Variants in SMG6 observed in about 807,000 individuals in gnomAD.
The protein encoded by SMG6 is telomerase-binding protein EST1A.
SMG6 carries 66 observed loss-of-function variants against 142.2 expected under a neutral mutation model. The observed-to-expected ratio is 0.46, with a 90% CI of 0.38 to 0.57. SMG6 has a LOEUF of 0.57. SMG6 is among the 20% of genes least tolerant of loss of function. The pLI is 0.00. For missense variants in SMG6, 1,793 were observed against 1,832.0 expected, an observed-to-expected ratio of 0.98 and a Z score of 0.39; for synonymous variants, 779 against 702.4, an observed-to-expected ratio of 1.11 and a Z score of -1.72.
At chr17:2,103,912 G>A (rs1224487275) in intron 13 of SMG6, among the ~76,000 whole-genome samples, 9 of 151,912 alleles carry the variant, frequency 5.9e-5, no homozygotes, top group African/African-American at 1.7e-4. Context: ...ATGGCACAGA[G>A]AAAGCAGGCT....
At chr17:2,246,669 G>C (rs558644316) in intron 8 of SMG6, among the ~76,000 whole-genome samples, 1 of 152,340 alleles carries the variant, frequency 6.6e-6, no homozygotes, top group Non-Finnish European at 1.5e-5. Context: ...GAAGAGGCCG[G>C]GTGCAGTGGC....
At chr17:2,288,977 G>T (rs1264954949) in intron 6 of SMG6, among the ~76,000 whole-genome samples, 1 of 151,702 alleles carries the variant, frequency 6.6e-6, no homozygotes, top group East Asian at 1.9e-4. Flanking sequence ...TACTCGGGAG[G>T]CTGAGGCAGG....
At chr17:2,081,670 A>C (rs1027227613) in intron 15 of SMG6, 140 bp downstream of exon 15, 5 of 1,038,678 alleles carry the variant, frequency 4.8e-6, no homozygotes, top group Admixed American at 4.5e-5. Flanking sequence ...GGTAGAGTGA[A>C]AAACGGGTAG....
At chr17:2,258,821 C>T (rs774915383) in intron 8 of SMG6, among the ~76,000 whole-genome samples, 26 of 149,934 alleles carry the variant, frequency 1.7e-4, no homozygotes, top group African/African-American at 5.1e-4. Flanking sequence ...AAGGAACTGG[C>T]GCGATGGCTC....
chr17:2,203,602 CAA>C (rs2072595909), intron 10 of SMG6, among the ~76,000 whole-genome samples: 1 of 152,130 alleles, frequency 6.6e-6, no homozygotes, highest in Non-Finnish European at 1.5e-5. Context: ...TGTCCTGTGT[CAA>C]AAGTTATTTA....
intron 10 of SMG6, among the ~76,000 whole-genome samples, chr17:2,226,934 T>C (rs765849829): frequency 3.9e-5 from 6 of 152,120 alleles, no homozygotes; most frequent in Non-Finnish European, 7.4e-5. Context: ...GGGCAAGAGA[T>C]GTAAACACTT....
chr17:2,061,603 C>A lies in SMG6; in HGVS notation c.4149G>T (p.Leu1383=), dbSNP rs1407901242. The part of the protein sequence containing the change: ...PASKEEPIRL[L]REVVLLTDDR... ...CATCCGTCAACAGCACCACCTCCCG[C>A]AGTAGCCGGATTGGCTCCTCTGTGG... The change falls in exon 19 of 19, where the codon CTG becomes CTT. Residue 1383 remains leucine, a synonymous_variant. Coordinates refer to ENST00000263073, the MANE Select transcript of SMG6 (RefSeq NM_017575.5). 10 of 1,572,170 alleles carry A rather than the reference C, an allele frequency of 6.4e-6. No individual in the cohort carries two copies. In the South Asian group the frequency reaches 1.2e-4, roughly 18 times the overall value.
chr17:2,295,598 T>C (rs17834627), intron 4 of SMG6, among the ~76,000 whole-genome samples: 39,352 of 152,008 alleles, frequency 0.26, 6,581 homozygotes, highest in Admixed American at 0.36. Flanking sequence ...ACAGCTCCAT[T>C]GCACTTGACA....
chr17:2,187,344 G>A (rs944063519), intron 11 of SMG6, among the ~76,000 whole-genome samples: 2 of 152,214 alleles, frequency 1.3e-5, no homozygotes, highest in Non-Finnish European at 2.9e-5. Flanking sequence ...TCCTGCACTG[G>A]ATCCCAGAGC....
Position 2,258,024 on chromosome 17 carries a change from A to ATATATAT in SMG6, c.2662-13306_2662-13305insATATATA, listed in dbSNP as rs1399835993. 1.1e-3 allele frequency among the ~76,000 whole-genome samples: 64 copies of ATATATAT among 57,668 alleles called. 2 individuals carry two copies. The highest frequency in any genetic ancestry group is 0.01 in the East Asian group (15 of 1,434). 37.8% of individuals were successfully genotyped at this position (57,668 alleles called of 152,430 possible). ...ACTCTGTCGCAAAAAAAAAAAAAAAAAAAAAAAAAAATATACACACACACA... is the reference window on the plus strand; with the variant it reads ...ACTCTGTCGCAAAAAAAAAAAAAAAATATATATAAAAAAAAAAATATACACACACACA... On this transcript the variant is annotated intron_variant, in intron 8 of 18. Transcript: ENST00000263073.
At chr17:2,134,419 CAAAAAAAAAAAAAAAA>C (rs58429166) in intron 13 of SMG6, among the ~76,000 whole-genome samples, 33 of 28,724 alleles carry the variant, frequency 1.1e-3, no homozygotes, top group Admixed American at 2.7e-3. Flanking sequence ...GACTCCATCT[CAAAAAAAAAAAAAAAA>C]AAAAAAAAAA....
At chr17:2,187,871 C>T (rs2072039945) in intron 11 of SMG6, among the ~76,000 whole-genome samples, 1 of 152,002 alleles carries the variant, frequency 6.6e-6, no homozygotes, top group African/African-American at 2.4e-5. Context: ...TAACCTTCAG[C>T]CCTACCTTCT....
At chr17:2,144,915 C>G (rs1001479091) in intron 13 of SMG6, among the ~76,000 whole-genome samples, 1 of 152,084 alleles carries the variant, frequency 6.6e-6, no homozygotes, top group Non-Finnish European at 1.5e-5. Context: ...TCACCATAGT[C>G]CAAGCAGTTT....
At chr17:2,284,743 A>AC (rs1478768523) in intron 6 of SMG6, among the ~76,000 whole-genome samples, 1 of 152,190 alleles carries the variant, frequency 6.6e-6, no homozygotes, top group Non-Finnish European at 1.5e-5. Flanking sequence ...ATGACACAGC[A>AC]CGTTAACCTA....
chr17:2,136,037 TC>T (rs2070291753), intron 13 of SMG6, among the ~76,000 whole-genome samples: 1 of 133,870 alleles, frequency 7.5e-6, no homozygotes, highest in Non-Finnish European at 1.6e-5. Flanking sequence ...TGTGTGTGTG[TC>T]TGTGTGTGTA....
In SMG6 at chr17:2,066,353, T is replaced by C. The variant is rs115850839; in HGVS notation, c.3836-674A>G. On this transcript the variant is annotated intron_variant, in intron 16 of 18. Transcript: ENST00000263073. ...GTGTATGTGTATGCGTGTATGTGTG[T>C]ACATGTGTGTATATGTCTCTGTGTG... Among the ~76,000 whole-genome samples, 290 of 145,896 alleles carry C rather than the reference T, an allele frequency of 2.0e-3. 1 individual carries two copies. Among genetic ancestry groups the C allele is most frequent in the African/African-American group, 7.2e-3 (279 of 38,524 alleles).
At chr17:2,225,807 G>C (rs2073298573) in intron 10 of SMG6, among the ~76,000 whole-genome samples, 1 of 152,152 alleles carries the variant, frequency 6.6e-6, no homozygotes, top group East Asian at 1.9e-4. Context: ...CTAGTGCTGG[G>C]GGTAAGGAGT....
intron 13 of SMG6, among the ~76,000 whole-genome samples, chr17:2,153,610 G>A (rs2070894182): frequency 6.6e-6 from 1 of 151,978 alleles, no homozygotes; most frequent in African/African-American, 2.4e-5. Context: ...AGAGTGTGAC[G>A]GTGACTGGGG....
chr17:2,253,575 G>C (rs1451574273), intron 8 of SMG6, among the ~76,000 whole-genome samples: 1 of 152,122 alleles, frequency 6.6e-6, no homozygotes, highest in Non-Finnish European at 1.5e-5. Flanking sequence ...TGAGCTAAGA[G>C]GTGAAGATGG....
Sources: gnomAD v4.1 joint callset for allele counts (sites outside exome capture counted in the v4.1 genomes callset) on GRCh38, gnomAD v4.1.1 for gene constraint, MANE v1.5 for transcripts, NCBI Gene and HGNC (gene_info 2026-07-23, HGNC 2026-07-21) for gene names.